GPC3: variants seen among roughly 807,000 people sequenced by gnomAD.
The protein encoded by GPC3 is glypican-3.
A neutral mutation model predicts 34.4 loss-of-function variants in GPC3; 3 were observed. That is an observed-to-expected ratio of 0.09 (90% CI 0.04 to 0.23). The LOEUF (loss-of-function observed/expected upper bound fraction) is 0.23, where lower values mean the gene tolerates loss of function less well. Ranked by LOEUF, GPC3 falls within the 10% of genes least tolerant of loss-of-function variation. The probability of loss-of-function intolerance (pLI) is 1.00; values close to 1 mark genes in which losing one functional copy is unlikely to be tolerated. For synonymous variants in GPC3, 177 were observed against 174.0 expected (o/e 1.02, Z -0.13); for missense variants, 351 against 445.6 (o/e 0.79, Z 1.91).
chrX:133,961,329 G>A (rs2076440444), intron 1 of GPC3, among the ~76,000 whole-genome samples: 1 of 111,324 alleles, frequency 9.0e-6, no homozygotes, highest in African/African-American at 3.3e-5. Flanking sequence ...GGAGTACTGG[G>A]AGTTTAAAGC....
At chrX:133,546,987 G>T (rs1163825455) in intron 7 of GPC3, among the ~76,000 whole-genome samples, 1 of 111,770 alleles carries the variant, frequency 8.9e-6, no homozygotes, top group East Asian at 2.8e-4. Context: ...GTACTATTCA[G>T]CTATAAAAAA....
At chrX:133,849,523 T>C (rs2075863008) in intron 2 of GPC3, among the ~76,000 whole-genome samples, 2 of 111,758 alleles carry the variant, frequency 1.8e-5, no homozygotes, top group Non-Finnish European at 3.8e-5. Context: ...CATTTCTATT[T>C]CATCAGCCTC....
At chrX:133,732,042 G>A (rs1018436697) in intron 3 of GPC3, among the ~76,000 whole-genome samples, 1 of 112,028 alleles carries the variant, frequency 8.9e-6, no homozygotes, top group Non-Finnish European at 1.9e-5. Flanking sequence ...TAGGGTTTCT[G>A]GCTAATACTT....
chrX:133,723,618 T>G (rs1472500549), intron 3 of GPC3, among the ~76,000 whole-genome samples: 1 of 110,838 alleles, frequency 9.0e-6, no homozygotes, highest in Non-Finnish European at 1.9e-5. Context: ...AGTGAGTTCT[T>G]GTTCTGAGTT....
At chrX:133,620,986 A>G (rs917634731) in intron 6 of GPC3, among the ~76,000 whole-genome samples, 4 of 111,475 alleles carry the variant, frequency 3.6e-5, no homozygotes, top group Admixed American at 2.9e-4. Flanking sequence ...TTGGGTACAC[A>G]TTCTCAGGAT....
intron 4 of GPC3, among the ~76,000 whole-genome samples, chrX:133,697,361 C>A (rs774706800): frequency 8.9e-6 from 1 of 111,951 alleles, no homozygotes; most frequent in East Asian, 2.8e-4. Flanking sequence ...CAAACTAGAG[C>A]TTTCTACCAT....
At chrX:133,651,252 C>T (rs1306338929) in intron 6 of GPC3, among the ~76,000 whole-genome samples, 4 of 109,002 alleles carry the variant, frequency 3.7e-5, no homozygotes, top group African/African-American at 1.3e-4. Context: ...GGCGCGATCT[C>T]GGCTCACTGC....
At chrX:133,663,030 C>T (rs988812576) in intron 5 of GPC3, among the ~76,000 whole-genome samples, 7 of 111,233 alleles carry the variant, frequency 6.3e-5, no homozygotes, top group African/African-American at 2.3e-4. Context: ...TCTGTCTTTC[C>T]AAGAGTGGAC....
At chrX:133,751,483 A>G (rs2071667629) in intron 3 of GPC3, among the ~76,000 whole-genome samples, 1 of 112,606 alleles carries the variant, frequency 8.9e-6, no homozygotes, top group South Asian at 3.7e-4. Flanking sequence ...TTACTATAAA[A>G]TATTTTCACA....
At chrX:133,835,913 G>A (rs748212507) in intron 2 of GPC3, among the ~76,000 whole-genome samples, 134 of 113,022 alleles carry the variant, frequency 1.2e-3, no homozygotes, top group Non-Finnish European at 1.0e-3. Flanking sequence ...AGATCATCTG[G>A]CTTCTCTCTT....
chrX:133,570,130 A>C (rs971777241), intron 7 of GPC3, among the ~76,000 whole-genome samples: 1 of 110,808 alleles, frequency 9.0e-6, no homozygotes, highest in East Asian at 2.8e-4. Flanking sequence ...TGACCTCGTG[A>C]TCCATCCGCC....
At chrX:133,712,563 C>T (rs1472308857) in intron 3 of GPC3, among the ~76,000 whole-genome samples, 1 of 111,266 alleles carries the variant, frequency 9.0e-6, no homozygotes, top group Non-Finnish European at 1.9e-5. Context: ...TGTAGAAGTA[C>T]ACACAATAGT....
intron 2 of GPC3, among the ~76,000 whole-genome samples, chrX:133,860,268 A>T (rs1304131231): frequency 1.8e-5 from 2 of 111,699 alleles, no homozygotes; most frequent in African/African-American, 6.5e-5. Context: ...AAGTGCCATT[A>T]TTAGTACCGT....
At chrX:133,576,315 C>T (rs1438061577) in intron 7 of GPC3, among the ~76,000 whole-genome samples, 3 of 111,342 alleles carry the variant, frequency 2.7e-5, no homozygotes. Context: ...GCGATATTGG[C>T]TCACTGCAAC....
intron 5 of GPC3, among the ~76,000 whole-genome samples, chrX:133,666,369 C>G (rs1348803072): frequency 8.9e-6 from 1 of 112,155 alleles, no homozygotes; most frequent in Non-Finnish European, 1.9e-5. Context: ...TTTAAATCCT[C>G]AAAGGACTCT....
At chrX:133,549,860 CCT>C (rs769346142) in intron 7 of GPC3, among the ~76,000 whole-genome samples, 58 of 96,180 alleles carry the variant, frequency 6.0e-4, no homozygotes, top group Non-Finnish European at 4.0e-4. Context: ...TCCTTCCCTC[CCT>C]CTCTCTCTTC....
At chrX:133,589,011 T>C (rs1420845751) in intron 7 of GPC3, among the ~76,000 whole-genome samples, 1 of 111,345 alleles carries the variant, frequency 9.0e-6, no homozygotes, top group African/African-American at 3.3e-5. Flanking sequence ...CCCATAGCAC[T>C]TGGAGATGAC....
chrX:133,783,849 T>C (rs1365210890), intron 2 of GPC3, among the ~76,000 whole-genome samples: 1 of 112,227 alleles, frequency 8.9e-6, no homozygotes. Context: ...CTTCTGGCCA[T>C]TGTTTTAAAA....
intron 6 of GPC3, among the ~76,000 whole-genome samples, chrX:133,628,551 G>T (rs2070331966): frequency 1.8e-5 from 2 of 109,706 alleles, no homozygotes; most frequent in South Asian, 8.0e-4. Flanking sequence ...AGCTACTCAG[G>T]AGGCTGAGTT....
Sources: gnomAD v4.1 joint callset for allele counts (sites outside exome capture counted in the v4.1 genomes callset) on GRCh38, gnomAD v4.1.1 for gene constraint, MANE v1.5 for transcripts, NCBI Gene and HGNC (gene_info 2026-07-23, HGNC 2026-07-21) for gene names.